PINX1: variants seen among roughly 807,000 people sequenced by gnomAD.
The protein encoded by PINX1 is PIN2/TERF1-interacting telomerase inhibitor 1.
A neutral mutation model predicts 25.4 loss-of-function variants in PINX1; 34 were observed. The observed-to-expected ratio is 1.34, with a 90% CI of 1.02 to 1.78. The LOEUF is 1.78. Among genes scored for constraint, PINX1 ranks in the 40% most tolerant of loss-of-function variants. PINX1 has a pLI of 0.00. For missense variants in PINX1, 592 were observed against 404.9 expected, an observed-to-expected ratio of 1.46 and a Z score of -3.97; for synonymous variants, 197 against 147.7, an observed-to-expected ratio of 1.33 and a Z score of -2.42.
At position 10,819,836 on chromosome 8, in the gene PINX1, T is replaced by C. The variant is rs145873283; in HGVS notation, c.471+357A>G. On this transcript the variant is annotated intron_variant, in intron 6 of 6. Coordinates refer to ENST00000314787, the MANE Select transcript of PINX1 (RefSeq NM_017884.6). ...CTCCATTCCAAGTGGAGTAATGCAG[T>C]TTGAGCAGAACAGACAAAATCCCTC... is the stretch of plus-strand genomic sequence containing the variant. 2.0e-5 allele frequency among the ~76,000 whole-genome samples: 3 copies of C among 152,252 alleles called. No individual in the cohort carries two copies. In the East Asian group the frequency reaches 5.8e-4, roughly 29 times the overall value.
intron 6 of PINX1, among the ~76,000 whole-genome samples, chr8:10,819,422 T>C (rs910374238): frequency 3.3e-5 from 5 of 152,180 alleles, no homozygotes; most frequent in African/African-American, 1.2e-4. Context: ...ATTAGCTGAG[T>C]AACAGTGGTC....
At chr8:10,799,396 G>C (rs1802193936) in intron 6 of PINX1, among the ~76,000 whole-genome samples, 1 of 152,130 alleles carries the variant, frequency 6.6e-6, no homozygotes, top group Admixed American at 6.6e-5. Flanking sequence ...GACAGTTGCT[G>C]GGGAAATGAT....
chr8:10,775,208 A>T (rs1372176789), intron 6 of PINX1, among the ~76,000 whole-genome samples: 2 of 152,178 alleles, frequency 1.3e-5, no homozygotes, highest in Non-Finnish European at 2.9e-5. Flanking sequence ...AAATATATTG[A>T]AAACTTAAGT....
intron 5 of PINX1, among the ~76,000 whole-genome samples, chr8:10,824,409 G>C (rs777344214): frequency 6.6e-6 from 1 of 151,996 alleles, no homozygotes; most frequent in African/African-American, 2.4e-5. Context: ...TGTCCTTCCC[G>C]TCTCCACTCC....
chr8:10,768,718 T>G (rs1003244411), intron 6 of PINX1, among the ~76,000 whole-genome samples: 1 of 152,172 alleles, frequency 6.6e-6, no homozygotes, highest in African/African-American at 2.4e-5. Context: ...ACATTGAAAA[T>G]CTGACTCCTG....
At chr8:10,802,952 A>C (rs149682311) in intron 6 of PINX1, among the ~76,000 whole-genome samples, 85 of 152,332 alleles carry the variant, frequency 5.6e-4, no homozygotes, top group South Asian at 4.8e-3. Context: ...GAGGGCAAAA[A>C]TAAATTGGAC....
rs1045271556 is a variant in PINX1, at chr8:10,802,565, T to G, written c.471+17628A>C. 2.6e-5 allele frequency among the ~76,000 whole-genome samples: 4 copies of G among 152,332 alleles called. No individual in the cohort carries two copies. The South Asian group carries it at 8.3e-4, about 32-fold the overall frequency. ...GAATCCAGTATCAACAAAAACCTAT[T>G]GGTTACTCTGCATTCCTAAATCTTC... On this transcript the variant is annotated intron_variant, in intron 6 of 6. Transcript: ENST00000314787.
intron 4 of PINX1, 67 bp from the exon 5 acceptor site, chr8:10,826,311 T>C: frequency 1.2e-6 from 1 of 831,842 alleles, no homozygotes; most frequent in Non-Finnish European, 1.9e-6. Flanking sequence ...CTCCTAACAG[T>C]GGATAGTCTT....
chr8:10,791,601 A>C (rs542533569), intron 6 of PINX1, among the ~76,000 whole-genome samples: 64 of 152,314 alleles, frequency 4.2e-4, no homozygotes, highest in Non-Finnish European at 8.5e-4. Flanking sequence ...CTTCAGTGCA[A>C]AGTTGGAAAC....
chr8:10,781,715 G>C (rs1030605942), intron 6 of PINX1, among the ~76,000 whole-genome samples: 2 of 152,118 alleles, frequency 1.3e-5, no homozygotes, highest in East Asian at 1.9e-4. Context: ...TGGAGAAACA[G>C]GAACCCTGTA....
At chr8:10,770,545 ATGAG>A (rs1466292832) in intron 6 of PINX1, among the ~76,000 whole-genome samples, 3 of 152,330 alleles carry the variant, frequency 2.0e-5, no homozygotes, top group East Asian at 3.9e-4. Flanking sequence ...CTGCAGCTAC[ATGAG>A]TGAGTATCTG....
At chr8:10,779,524 AAAAC>A (rs1801516385) in intron 6 of PINX1, among the ~76,000 whole-genome samples, 1 of 152,216 alleles carries the variant, frequency 6.6e-6, no homozygotes, top group South Asian at 2.1e-4. Flanking sequence ...CCACACACCC[AAAAC>A]AAACCCTCTG....
At chr8:10,789,514 T>A (rs1801856207) in intron 6 of PINX1, among the ~76,000 whole-genome samples, 2 of 152,188 alleles carry the variant, frequency 1.3e-5, no homozygotes, top group Admixed American at 1.3e-4. Context: ...TACTGTATGC[T>A]AGGTCTCCAG....
At chr8:10,773,186 AG>A (rs1017910001) in intron 6 of PINX1, among the ~76,000 whole-genome samples, 1 of 152,186 alleles carries the variant, frequency 6.6e-6, no homozygotes, top group Admixed American at 6.5e-5. Context: ...TGGAAGTGGC[AG>A]GTGCTTTTCC....
At chr8:10,833,592 CGG>C (rs1798296070) in intron 2 of PINX1, 3 of 83,590 alleles carry the variant, frequency 3.6e-5, no homozygotes, top group Non-Finnish European at 8.1e-5. Flanking sequence ...GACTGGGGTG[CGG>C]GAGGCTGGAG....
At chr8:10,815,177 G>C (rs913720256) in intron 6 of PINX1, among the ~76,000 whole-genome samples, 1 of 152,134 alleles carries the variant, frequency 6.6e-6, no homozygotes, top group Non-Finnish European at 1.5e-5. Flanking sequence ...CCTGAGCTCA[G>C]GCAATCCTCC....
chr8:10,772,822 G>C (rs934756992), intron 6 of PINX1, among the ~76,000 whole-genome samples: 1 of 152,188 alleles, frequency 6.6e-6, no homozygotes, highest in African/African-American at 2.4e-5. Flanking sequence ...TGAAACAGGT[G>C]TAAGAACCTG....
intron 6 of PINX1, among the ~76,000 whole-genome samples, chr8:10,769,461 G>A (rs1161054671): frequency 6.6e-6 from 1 of 152,198 alleles, no homozygotes; most frequent in East Asian, 1.9e-4. Flanking sequence ...TTTGAACTGA[G>A]ATGACTCTGG....
chr8:10,829,551 G>A, intron 4 of PINX1, among the ~76,000 whole-genome samples: 1 of 152,158 alleles, frequency 6.6e-6, no homozygotes, highest in East Asian at 1.9e-4. Context: ...GCCATGTTCA[G>A]CAATTTACCG....
Sources: allele counts gnomAD v4.1 joint callset (sites outside exome capture counted in the v4.1 genomes callset), GRCh38; gene constraint gnomAD v4.1.1; transcripts MANE v1.5; gene names NCBI Gene and HGNC (gene_info 2026-07-23, HGNC 2026-07-21).